Variants in CELF6 observed in about 807,000 individuals in gnomAD.
The protein encoded by CELF6 is Bruno -like 6, RNA binding protein.
CELF6 carries 32 observed loss-of-function variants against 53.1 expected under a neutral mutation model. The ratio of observed to expected loss-of-function variants is 0.60; its 90% CI spans 0.46 to 0.81. The LOEUF is 0.81. CELF6 is among the 30% of genes least tolerant of loss of function. The pLI, the probability that CELF6 is intolerant of heterozygous loss-of-function variation, is 0.00. For missense variants in CELF6, 539 were observed against 669.5 expected, an observed-to-expected ratio of 0.81 and a Z score of 2.15; for synonymous variants, 291 against 288.8, an observed-to-expected ratio of 1.01 and a Z score of -0.08.
At chr15:72,287,489 A>T in intron 11 of CELF6, 97 bp from the exon 12 acceptor site, 1 of 1,425,998 alleles carries the variant, frequency 7.0e-7, no homozygotes, top group African/African-American at 1.4e-5. Flanking sequence ...CCGTCAGGCC[A>T]GTTCCATCAA....
intron 2 of CELF6, among the ~76,000 whole-genome samples, chr15:72,311,458 A>T (rs148123984): frequency 4.4e-4 from 65 of 149,074 alleles, no homozygotes; most frequent in African/African-American, 1.4e-3. Context: ...GCTGGAGTGC[A>T]GCGATGCGAT....
Position 72,289,547 on chromosome 15 carries a change from G to T in CELF6, c.748-40C>A, listed in dbSNP as rs774095174. On this transcript the variant is annotated intron_variant, in intron 6 of 12. Coordinates refer to ENST00000287202, the MANE Select transcript of CELF6 (RefSeq NM_052840.5). This position sits in a 1 kb window ranked among gnomAD's most constrained non-coding sequence, Gnocchi z 7.6. ...ATGGGCGAGAGTGGAGGGCCAAGGG[G>T]CAGGCAGCTGCCCGTGCTCTCAGCC... is the stretch of plus-strand genomic sequence containing the variant. 1 of 1,489,510 alleles carries T rather than the reference G, an allele frequency of 6.7e-7. No homozygotes were observed. Among genetic ancestry groups the T allele is most frequent in the Non-Finnish European group, 8.9e-7 (1 of 1,124,204 alleles). 92.3% of individuals were successfully genotyped at this position (1,489,510 alleles called of 1,614,324 possible).
rs576167503 is a variant in CELF6 at position 72,315,309 on chromosome 15, T to G, written c.345+536A>C. On this transcript the variant is annotated intron_variant, in intron 2 of 12. Transcript: ENST00000287202. ...TTAGCCAAGACCAGACCAGGTACCA[T>G]TGGTGCCTACAAGCCAAGCTGCCTG... Among the ~76,000 whole-genome samples the G allele has an allele frequency of 3.9e-5, 6 of 152,338 alleles. No homozygotes were observed. In the South Asian group the frequency reaches 1.2e-3, roughly 32 times the overall value.
chr15:72,301,326 T>C (rs12591975), intron 3 of CELF6, among the ~76,000 whole-genome samples: 18,117 of 152,020 alleles, frequency 0.12, 2,296 homozygotes, highest in African/African-American at 0.31. Flanking sequence ...GGGAGTCTCA[T>C]CCATTTAAGG....
intron 2 of CELF6, chr15:72,306,041 G>A: frequency 1.0e-6 from 1 of 976,404 alleles, no homozygotes; most frequent in Non-Finnish European, 1.2e-6. Context: ...TTGGGGTATT[G>A]CATAATTTGA....
chr15:72,311,504 G>A (rs890482633), intron 2 of CELF6, among the ~76,000 whole-genome samples: 3 of 150,892 alleles, frequency 2.0e-5, no homozygotes, highest in South Asian at 2.1e-4. Flanking sequence ...CCAGGTTCAC[G>A]CCTTTCTCCT....
chr15:72,312,752 A>C (rs1331610819), intron 2 of CELF6, among the ~76,000 whole-genome samples: 1 of 152,202 alleles, frequency 6.6e-6, no homozygotes, highest in African/African-American at 2.4e-5. Context: ...TGCCAGCAGG[A>C]ATTCAGATTA....
intron 3 of CELF6, among the ~76,000 whole-genome samples, chr15:72,293,674 T>C (rs1451251410): frequency 6.7e-6 from 1 of 148,714 alleles, no homozygotes. Flanking sequence ...CGATGTATAC[T>C]TCTTAATCTT....
At chr15:72,306,996 A>G (rs1423157548) in intron 2 of CELF6, among the ~76,000 whole-genome samples, 1 of 151,598 alleles carries the variant, frequency 6.6e-6, no homozygotes, top group African/African-American at 2.4e-5. Flanking sequence ...AGGAAGGGTA[A>G]GGAAGCGGGT....
In CELF6 at chr15:72,289,228, C is replaced by T. The variant is rs2087966093; in HGVS notation, c.940G>A (p.Gly314Arg). Residue 314 changes from glycine (G) to arginine (R), a missense_variant, in exon 8 of 13, where the codon GGG becomes AGG. By Grantham distance (125) the Gly-to-Arg change is moderately radical (BLOSUM62 -2). Around this residue, in one of 3 missense-constraint regions of CELF6, gnomAD observed 358 missense variants for 412.8 expected, o/e 0.87. Coordinates refer to ENST00000287202, the MANE Select transcript of CELF6 (RefSeq NM_052840.5). This position sits in a 1 kb window ranked among gnomAD's most constrained non-coding sequence, Gnocchi z 7.6. ...GTCAGAGGGCCGAATCCATTGACCC[C>T]GATGGGCGCCGGAAGACCTGGGAGG... Reference protein sequence around the residue: ...GTLPGLPAPIGVNGFGPLTPQ... With the variant: ...GTLPGLPAPIRVNGFGPLTPQ... The T allele has an allele frequency of 1.9e-6, 3 of 1,575,644 alleles. No homozygotes were observed. Among genetic ancestry groups the T allele is most frequent in the Non-Finnish European group, 8.6e-7 (1 of 1,167,144 alleles).
At position 72,304,805 on chromosome 15, in the gene CELF6, T is replaced by C. The variant is rs749240524; in HGVS notation, c.346-11A>G. 9 of 1,613,960 alleles carry C rather than the reference T, an allele frequency of 5.6e-6. No individual in the cohort carries two copies. The highest frequency in any genetic ancestry group is 1.7e-5 in the Admixed American group (1 of 59,998). On this transcript the variant is annotated splice_polypyrimidine_tract_variant and intron_variant, in intron 2 of 12. Transcript: ENST00000287202. Reference sequence around the variant, plus strand: ...GATCGGACGATTCATCTGAAAGACATCGGACCAACACACCCATTCAGCGTG... The same window carrying C: ...GATCGGACGATTCATCTGAAAGACACCGGACCAACACACCCATTCAGCGTG...
rs1409018036 is a variant in CELF6, at chr15:72,289,674, G to A, written c.700C>T (p.His234Tyr). 6.7e-7 allele frequency: 1 copy of A among 1,498,534 alleles called. No individual in the cohort carries two copies. 92.8% of individuals were successfully genotyped at this position (1,498,534 alleles called of 1,614,324 possible). A position where few individuals can be genotyped will look rare whatever the true frequency, so the allele number is the denominator to read the frequency against. The stretch of plus-strand genomic sequence containing the variant: ...GCCCCTAGCGGCAGTGGCGCGGGGT[G>A]GAAGGCGCCCAGGTGGCCGGCCATC... Reference protein sequence around the residue: ...QQMAGHLGAFHPAPLPLGACG... With the variant: ...QQMAGHLGAFYPAPLPLGACG... The change falls in exon 6 of 13, where the codon CAC becomes TAC. Residue 234 changes from histidine (H) to tyrosine (Y), a missense_variant. His to Tyr is a moderately conservative substitution (Grantham distance 83). This residue lies in a region of CELF6 where 358 missense variants were observed against 412.8 expected (regional missense o/e 0.87). Transcript: ENST00000287202. This position sits in a 1 kb window ranked among gnomAD's most constrained non-coding sequence, Gnocchi z 7.6.
chr15:72,297,859 G>C (rs957908845), intron 3 of CELF6, among the ~76,000 whole-genome samples: 1 of 152,226 alleles, frequency 6.6e-6, no homozygotes, highest in African/African-American at 2.4e-5. Context: ...ACCCCTAAAA[G>C]TGTTATGACA....
chr15:72,308,850 C>T (rs976514131), intron 2 of CELF6, among the ~76,000 whole-genome samples: 1 of 152,014 alleles, frequency 6.6e-6, no homozygotes, highest in East Asian at 1.9e-4. Context: ...GGATTACAGA[C>T]ACCCACCACC....
At chr15:72,306,554 T>TAAA (rs397966975) in intron 2 of CELF6, among the ~76,000 whole-genome samples, 952 of 79,032 alleles carry the variant, frequency 0.012, 21 homozygotes, top group African/African-American at 0.038. Context: ...GAGGGCTTAC[T>TAAA]AAAAAAAAAA....
At position 72,286,100 on chromosome 15, in the gene CELF6, C is replaced by G. The variant is rs1217924275; in HGVS notation, c.*271G>C. On this transcript the variant is annotated 3_prime_UTR_variant, in exon 13 of 13. Coordinates refer to ENST00000287202, the MANE Select transcript of CELF6 (RefSeq NM_052840.5). ...TTCCCTTGCGGAGAAGCCCTTGGCA[C>G]CCCCAACGCCCTCTGCTGGTTCCCC... 1 of 152,626 alleles carries G rather than the reference C, an allele frequency of 6.6e-6. No homozygotes were observed. The highest frequency in any genetic ancestry group is 2.4e-5 in the African/African-American group (1 of 41,422). The allele number at this position is 152,626 out of a possible 1,614,324, so 9.5% of individuals were successfully genotyped here.
intron 3 of CELF6, chr15:72,292,384 T>A (rs1160226783): frequency 1.5e-6 from 1 of 681,862 alleles, no homozygotes. Context: ...ATGCCATTGT[T>A]CTAAGTTATT....
intron 1 of CELF6, among the ~76,000 whole-genome samples, chr15:72,318,751 A>G (rs949259841): frequency 2.0e-5 from 3 of 152,076 alleles, no homozygotes; most frequent in African/African-American, 7.2e-5. Context: ...CCAGCCTGTG[A>G]GGGGAGGGAA....
At chr15:72,304,957 C>T (rs1342134971) in intron 2 of CELF6, among the ~76,000 whole-genome samples, 163 bp from the exon 3 acceptor site, 1 of 152,148 alleles carries the variant, frequency 6.6e-6, no homozygotes, top group Admixed American at 6.5e-5. Flanking sequence ...AAGATTCCTT[C>T]CTTAAACCCA....
Sources: allele counts gnomAD v4.1 joint callset (sites outside exome capture counted in the v4.1 genomes callset), GRCh38; gene constraint gnomAD v4.1.1; regional missense constraint gnomAD v4.1.1; non-coding constraint Gnocchi (gnomAD v3.1); transcripts MANE v1.5; gene names NCBI Gene and HGNC (gene_info 2026-07-23, HGNC 2026-07-21).